Variants in ARHGAP8 observed in about 807,000 individuals in gnomAD.
ARHGAP8 encodes the protein Rho GTPase activating protein 8.
In ARHGAP8, 62 loss-of-function variants were observed where a neutral mutation model predicts 46.1. The observed-to-expected ratio is 1.34, with a 90% confidence interval of 1.10 to 1.66. The LOEUF is 1.66. Ranked by LOEUF, ARHGAP8 falls within the 40% of genes most tolerant of loss-of-function variation. ARHGAP8 has a pLI of 0.00. For missense variants in ARHGAP8, 923 were observed against 568.4 expected (o/e 1.62, Z -6.34); for synonymous variants, 375 against 243.1 (o/e 1.54, Z -5.05).
intron 1 of ARHGAP8, among the ~76,000 whole-genome samples, chr22:44,763,267 C>A (rs960556450): frequency 4.0e-5 from 6 of 151,812 alleles, no homozygotes; most frequent in Admixed American, 2.6e-4. Context: ...GAGGCCAAGG[C>A]GGGTGGATCA....
intron 10 of ARHGAP8, among the ~76,000 whole-genome samples, chr22:44,856,254 C>CTTTTTTTTTTTTT (rs557242169): frequency 3.5e-5 from 3 of 86,822 alleles, no homozygotes; most frequent in African/African-American, 9.7e-5. Flanking sequence ...TATAAATTCC[C>CTTTTTTTTTTTTT]TTTTTTTTTT....
chr22:44,782,591 C>T (rs1007315054), intron 1 of ARHGAP8, among the ~76,000 whole-genome samples: 30 of 152,060 alleles, frequency 2.0e-4, no homozygotes, highest in African/African-American at 6.5e-4. Flanking sequence ...GGGATCATAC[C>T]GTGTGTGCTT....
chr22:44,789,973 C>G (rs1927541937), intron 2 of ARHGAP8, among the ~76,000 whole-genome samples: 2 of 152,178 alleles, frequency 1.3e-5, no homozygotes, highest in African/African-American at 4.8e-5. Flanking sequence ...GCATCTGTTA[C>G]AAACAGCTTA....
At chr22:44,831,894 G>A (rs1930972418) in intron 7 of ARHGAP8, among the ~76,000 whole-genome samples, 1 of 152,110 alleles carries the variant, frequency 6.6e-6, no homozygotes, top group South Asian at 2.1e-4. Context: ...GGAAGTGTGA[G>A]TCTGTGAGTC....
intron 7 of ARHGAP8, among the ~76,000 whole-genome samples, chr22:44,839,938 G>GT (rs1209978590): frequency 2.0e-5 from 3 of 152,216 alleles, no homozygotes; most frequent in Non-Finnish European, 4.4e-5. Flanking sequence ...CTGGTGGCTG[G>GT]CTAGGATCAT....
intron 4 of ARHGAP8, chr22:44,809,408 A>G (rs1929182590): frequency 2.8e-6 from 1 of 355,768 alleles, no homozygotes; most frequent in Non-Finnish European, 5.6e-6. Flanking sequence ...ATTACTGGCA[A>G]AGAAACAACT....
intron 7 of ARHGAP8, among the ~76,000 whole-genome samples, chr22:44,830,858 A>G (rs1399970629): frequency 1.3e-5 from 2 of 152,152 alleles, no homozygotes; most frequent in Non-Finnish European, 2.9e-5. Context: ...TTTTTATCGT[A>G]GCCATCCTAG....
chr22:44,852,599 G>A (rs1214357120), intron 10 of ARHGAP8, among the ~76,000 whole-genome samples: 1 of 152,144 alleles, frequency 6.6e-6, no homozygotes, highest in Non-Finnish European at 1.5e-5. Context: ...ATTGTCTCAT[G>A]TTGCATGAAT....
rs367923593 is a variant in ARHGAP8 at position 44,862,553 on chromosome 22, C to A, written c.1260C>A (p.Thr420=). 5 of 1,601,134 alleles carry A rather than the reference C, an allele frequency of 3.1e-6. No homozygotes were observed. Among genetic ancestry groups the A allele is most frequent in the Non-Finnish European group, 3.4e-6 (4 of 1,170,014 alleles). The change falls in exon 12 of 12, where the codon ACC becomes ACA. Residue 420 remains threonine (T), a synonymous_variant. Coordinates refer to ENST00000356099, the MANE Select transcript of ARHGAP8 (RefSeq NM_181335.3). ...RTQATGLTKP[T]LPPSPLMAAR... Reference sequence around the variant, plus strand: ...AAGCCACGGGCCTCACCAAGCCTACCCTACCTCCGAGTCCCCTGATGGCAG... The same window carrying A: ...AAGCCACGGGCCTCACCAAGCCTACACTACCTCCGAGTCCCCTGATGGCAG...
chr22:44,832,134 G>C (rs115455660), intron 7 of ARHGAP8, among the ~76,000 whole-genome samples: 2 of 147,262 alleles, frequency 1.4e-5, no homozygotes, highest in Admixed American at 6.7e-5. Context: ...CTTTTTTTCA[G>C]TGGTATTTTA....
intron 10 of ARHGAP8, among the ~76,000 whole-genome samples, chr22:44,852,960 G>A (rs575910966): frequency 2.0e-5 from 3 of 152,194 alleles, no homozygotes; most frequent in East Asian, 1.9e-4. Flanking sequence ...GTGTCACCAC[G>A]CCTGGCTAAT....
chr22:44,758,003 AG>A (rs1432438916), intron 1 of ARHGAP8, among the ~76,000 whole-genome samples: 1 of 152,004 alleles, frequency 6.6e-6, no homozygotes, highest in Admixed American at 6.6e-5. Flanking sequence ...AGAGGTACAG[AG>A]GGGGATCCCT....
chr22:44,764,818 C>T (rs1000284643), intron 1 of ARHGAP8, among the ~76,000 whole-genome samples: 6 of 152,218 alleles, frequency 3.9e-5, no homozygotes, highest in African/African-American at 1.4e-4. Context: ...GTGCGCATTA[C>T]GTGTCCCTGC....
In ARHGAP8 at chr22:44,848,066, A is replaced by G; in HGVS notation, c.748+16A>G. The G allele has an allele frequency of 6.2e-7, 1 of 1,604,344 alleles. No homozygotes were observed. The stretch of plus-strand genomic sequence containing the variant: ...TACAACCAAGGTGAGGGTGTCCCGC[A>G]GTCCTGAGCCCCGAGCTGCCTGGTC... On this transcript the variant is annotated intron_variant, in intron 9 of 11. Coordinates refer to ENST00000356099, the MANE Select transcript of ARHGAP8 (RefSeq NM_181335.3).
At chr22:44,841,637 G>T (rs542535812) in intron 7 of ARHGAP8, among the ~76,000 whole-genome samples, 1 of 152,230 alleles carries the variant, frequency 6.6e-6, no homozygotes, top group South Asian at 2.1e-4. Flanking sequence ...TTTCTTTCTC[G>T]CTAAGGTTGG....
chr22:44,787,247 C>T (rs1389298944), intron 2 of ARHGAP8, among the ~76,000 whole-genome samples: 1 of 152,176 alleles, frequency 6.6e-6, no homozygotes, highest in East Asian at 1.9e-4. Context: ...TCCAAAGCAA[C>T]AAACATCTGC....
At chr22:44,787,684 C>A (rs577402438) in intron 2 of ARHGAP8, among the ~76,000 whole-genome samples, 3 of 152,210 alleles carry the variant, frequency 2.0e-5, no homozygotes, top group Admixed American at 2.0e-4. Flanking sequence ...GCATTTCTCC[C>A]ATGGGCAGTG....
intron 11 of ARHGAP8, among the ~76,000 whole-genome samples, chr22:44,860,173 C>T (rs1300428696): frequency 1.3e-5 from 2 of 152,258 alleles, no homozygotes; most frequent in East Asian, 1.9e-4. Context: ...CTGTGTCCAC[C>T]ACTGGTACAG....
intron 7 of ARHGAP8, among the ~76,000 whole-genome samples, chr22:44,829,297 GA>G (rs71188490): frequency 0.055 from 7,263 of 133,230 alleles, 565 homozygotes; most frequent in African/African-American, 0.18. Flanking sequence ...TCTCAAAAAA[GA>G]AAAAAAAAAA....
Sources: gnomAD v4.1 joint callset for allele counts (sites outside exome capture counted in the v4.1 genomes callset) on GRCh38, gnomAD v4.1.1 for gene constraint, MANE v1.5 for transcripts, NCBI Gene and HGNC (gene_info 2026-07-23, HGNC 2026-07-21) for gene names.